The following FUT9 variants were observed in gnomAD, a reference collection of about 807,000 sequenced individuals.
FUT9 encodes the protein fucosyltransferase 9.
In FUT9, 15 loss-of-function variants were observed where a neutral mutation model predicts 29.7. That is an observed-to-expected ratio of 0.51 (90% CI 0.34 to 0.78). The LOEUF (loss-of-function observed/expected upper bound fraction) is 0.78. Among genes scored for constraint, FUT9 ranks in the 30% least tolerant of loss-of-function variants. The probability of loss-of-function intolerance (pLI) is 0.01; values close to 1 mark genes in which losing one functional copy is unlikely to be tolerated. For missense variants in FUT9, 319 were observed against 425.4 expected (o/e 0.75, Z 2.20); for synonymous variants, 169 against 153.7 (o/e 1.10, Z -0.74).
chr6:96,199,423 G>A (rs1046348653), intron 2 of FUT9, among the ~76,000 whole-genome samples: 1 of 152,018 alleles, frequency 6.6e-6, no homozygotes, highest in Non-Finnish European at 1.5e-5. Flanking sequence ...TTGAGGGGAG[G>A]GGGTGAGCAG....
chr6:96,203,213 G>A lies in FUT9; in HGVS notation c.58G>A (p.Gly20Ser), dbSNP rs1286441241. The A allele has an allele frequency of 6.2e-7, 1 of 1,612,378 alleles. No individual in the cohort carries two copies. The highest frequency in any genetic ancestry group is 8.5e-7 in the Non-Finnish European group (1 of 1,178,780). The change falls in exon 3 of 3, where the codon GGC (glycine) becomes AGC (serine). Residue 20 changes from glycine (G) to serine (S), a missense_variant. Physicochemically the swap from Gly to Ser is moderately conservative, Grantham distance 56. Coordinates refer to ENST00000302103, the MANE Select transcript of FUT9 (RefSeq NM_006581.4). The part of the protein sequence containing the change: ...RPFLIVCIIL[G>S]CFMACLLIYI... ...ATTTTTAATTGTCTGCATTATCCTG[G>A]GCTGTTTCATGGCATGTCTTCTCAT... is the stretch of plus-strand genomic sequence containing the variant.
At chr6:96,019,190 T>TA (rs980450933) in intron 1 of FUT9, among the ~76,000 whole-genome samples, 1 of 151,804 alleles carries the variant, frequency 6.6e-6, no homozygotes, top group African/African-American at 2.4e-5. Flanking sequence ...AAAAATACCT[T>TA]AAAAAAAGCA....
intron 1 of FUT9, among the ~76,000 whole-genome samples, chr6:96,098,458 G>C (rs899228560): frequency 3.3e-5 from 5 of 152,092 alleles, no homozygotes. Flanking sequence ...AAAGACTATA[G>C]CTAGCTCCTT....
chr6:96,057,819 C>T (rs1387873488), intron 1 of FUT9, among the ~76,000 whole-genome samples: 5 of 152,150 alleles, frequency 3.3e-5, no homozygotes, highest in African/African-American at 9.7e-5. Flanking sequence ...AATGATATAA[C>T]ATAAGACTAA....
intron 1 of FUT9, among the ~76,000 whole-genome samples, chr6:96,101,167 G>A (rs1173295519): frequency 1.3e-5 from 2 of 152,160 alleles, no homozygotes; most frequent in African/African-American, 2.4e-5. Context: ...AAATATATAT[G>A]TGTGGGCATG....
rs773195076 is a variant in FUT9 at position 96,182,299 on chromosome 6, T to A, written c.-8-20849T>A. 2.0e-4 allele frequency among the ~76,000 whole-genome samples: 31 copies of A among 152,272 alleles called. 1 individual carries two copies. The highest frequency in any genetic ancestry group is 6.2e-4 in the South Asian group (3 of 4,822). Reference sequence around the variant, plus strand: ...TTTTTTCTTGCTAATTTGTTTGAGTTCATCTTAGATTCTGTATATTTGTCC... The same window carrying A: ...TTTTTTCTTGCTAATTTGTTTGAGTACATCTTAGATTCTGTATATTTGTCC... On this transcript the variant is annotated intron_variant, in intron 2 of 2. Transcript: ENST00000302103.
Position 96,155,454 on chromosome 6 carries a change from G to T in FUT9, c.-9+41327G>T, listed in dbSNP as rs1772762812. Among the ~76,000 whole-genome samples the T allele has an allele frequency of 1.3e-5, 2 of 151,908 alleles. 1 individual carries two copies. The highest frequency in any genetic ancestry group is 4.1e-4 in the South Asian group (2 of 4,822). ...AATGACTGATGTCCCTATAAGAAAA[G>T]CAAGAGCTGGAGATCGAGACTATCC... is the stretch of plus-strand genomic sequence containing the variant. On this transcript the variant is annotated intron_variant, in intron 2 of 2. Coordinates refer to ENST00000302103, the MANE Select transcript of FUT9 (RefSeq NM_006581.4).
chr6:96,154,768 T>C (rs1772744245), intron 2 of FUT9, among the ~76,000 whole-genome samples: 1 of 152,250 alleles, frequency 6.6e-6, no homozygotes, highest in South Asian at 2.1e-4. Context: ...ACTACCTTTT[T>C]ACCAATAGTC....
chr6:96,072,019 G>T (rs915828986), intron 1 of FUT9, among the ~76,000 whole-genome samples: 1 of 152,056 alleles, frequency 6.6e-6, no homozygotes, highest in African/African-American at 2.4e-5. Flanking sequence ...TTTAATACTT[G>T]CAATGACTTC....
rs546971909 is a variant in FUT9, at chr6:96,155,336, C to T, written c.-9+41209C>T. On this transcript the variant is annotated intron_variant, in intron 2 of 2. Coordinates refer to ENST00000302103, the MANE Select transcript of FUT9 (RefSeq NM_006581.4). ...CTGAAATGTGTTCTCAAATTCATGTCGAAGTCCCAATCTCCAGTATGTTTT... is the reference window on the plus strand; with the variant it reads ...CTGAAATGTGTTCTCAAATTCATGTTGAAGTCCCAATCTCCAGTATGTTTT... Among the ~76,000 whole-genome samples the T allele has an allele frequency of 2.3e-4, 35 of 152,068 alleles. No homozygotes were observed. The South Asian group carries it at 4.2e-3, about 18-fold the overall frequency.
intron 1 of FUT9, among the ~76,000 whole-genome samples, chr6:96,053,169 A>G (rs1442531046): frequency 6.6e-6 from 1 of 152,208 alleles, no homozygotes; most frequent in Non-Finnish European, 1.5e-5. Flanking sequence ...AAATAATTTT[A>G]TACTTATTCT....
chr6:96,085,167 G>T (rs867873422), intron 1 of FUT9, among the ~76,000 whole-genome samples: 8 of 152,238 alleles, frequency 5.3e-5, no homozygotes, highest in Admixed American at 2.6e-4. Flanking sequence ...CCATGTACAG[G>T]GCACTATTTC....
chr6:96,149,074 T>C (rs1772628347), intron 2 of FUT9, among the ~76,000 whole-genome samples: 1 of 151,918 alleles, frequency 6.6e-6, no homozygotes, highest in Non-Finnish European at 1.5e-5. Flanking sequence ...GAGAACTGCT[T>C]GAACTCGGGA....
At chr6:96,129,213 C>A (rs1451433718) in intron 2 of FUT9, among the ~76,000 whole-genome samples, 1 of 145,476 alleles carries the variant, frequency 6.9e-6, no homozygotes, top group Non-Finnish European at 1.5e-5. Flanking sequence ...TGCAGTGAGC[C>A]GAGATCACGC....
chr6:96,129,283 AAAAAAAAAACAAACAAC>A (rs1772195166), intron 2 of FUT9, among the ~76,000 whole-genome samples: 1 of 10,202 alleles, frequency 9.8e-5, no homozygotes. Context: ...AAAAAAAAAA[AAAAAAAAAACAAACAAC>A]CAGCCATGGT....
chr6:96,143,617 T>C (rs1421129913), intron 2 of FUT9, among the ~76,000 whole-genome samples: 3 of 152,056 alleles, frequency 2.0e-5, no homozygotes. Flanking sequence ...CAACCCCCAA[T>C]TATTAGAAAT....
chr6:96,186,042 T>C (rs552644238), intron 2 of FUT9, among the ~76,000 whole-genome samples: 2 of 152,244 alleles, frequency 1.3e-5, no homozygotes, highest in East Asian at 1.9e-4. Context: ...TTTCCACCTT[T>C]TTTCTAATAA....
rs1773893476 is a variant in FUT9, at chr6:96,209,462, C to G, written c.*5227C>G. 1 of 166,696 alleles carries G rather than the reference C, an allele frequency of 6.0e-6. No homozygotes were observed. Among genetic ancestry groups the G allele is most frequent in the Non-Finnish European group, 1.5e-5 (1 of 68,006 alleles). The allele number at this position is 166,696 out of a possible 1,614,324, so 10.3% of individuals were successfully genotyped here. ...CACTGCTCACTGACATCTTAATTGC[C>G]TGCAGAAAAATCAATCATATTTTAG... is the stretch of plus-strand genomic sequence containing the variant. On this transcript the variant is annotated 3_prime_UTR_variant, in exon 3 of 3. Coordinates refer to ENST00000302103, the MANE Select transcript of FUT9 (RefSeq NM_006581.4).
chr6:96,077,762 G>A (rs1012826619), intron 1 of FUT9, among the ~76,000 whole-genome samples: 5 of 152,278 alleles, frequency 3.3e-5, no homozygotes, highest in African/African-American at 9.6e-5. Flanking sequence ...GAGTCTTTAT[G>A]TGATATCAAC....
Sources: gnomAD v4.1 joint callset for allele counts (sites outside exome capture counted in the v4.1 genomes callset) on GRCh38, gnomAD v4.1.1 for gene constraint, MANE v1.5 for transcripts, NCBI Gene and HGNC (gene_info 2026-07-23, HGNC 2026-07-21) for gene names.